The following KCNAB1 variants were observed in gnomAD, a reference collection of about 807,000 sequenced individuals.
The protein encoded by KCNAB1 is voltage-gated potassium channel subunit beta-1.
A neutral mutation model predicts 64.6 loss-of-function variants in KCNAB1; 35 were observed. That is an observed-to-expected ratio of 0.54 (90% CI 0.41 to 0.72). KCNAB1 has a LOEUF of 0.72. Among genes scored for constraint, KCNAB1 ranks in the 30% least tolerant of loss-of-function variants. The pLI is 0.00. For synonymous variants in KCNAB1, 177 were observed against 183.8 expected, an observed-to-expected ratio of 0.96 and a Z score of 0.30; for missense variants, 401 against 512.9, an observed-to-expected ratio of 0.78 and a Z score of 2.11.
Position 156,537,060 on chromosome 3 carries a change from G to C in KCNAB1, c.*313G>C. On this transcript the variant is annotated 3_prime_UTR_variant, in exon 14 of 14. Transcript: ENST00000490337. ...GTGTGGTACTACCTTCAGGCATTTG[G>C]TAACTCAAAGAAGGCTGTACAGATA... 2.3e-6 allele frequency: 1 copy of C among 431,364 alleles called. No individual in the cohort carries two copies. The highest frequency in any genetic ancestry group is 4.1e-6 in the Non-Finnish European group (1 of 246,036). The allele number at this position is 431,364 out of a possible 1,614,324, so 26.7% of individuals were successfully genotyped here. A position where few individuals can be genotyped will look rare whatever the true frequency, so the allele number is the denominator to read the frequency against.
intron 1 of KCNAB1, among the ~76,000 whole-genome samples, chr3:156,132,325 C>A (rs1714042446): frequency 1.3e-5 from 2 of 152,194 alleles, no homozygotes; most frequent in African/African-American, 2.4e-5. Context: ...ACTTCAGAGA[C>A]CTGTAGATGG....
intron 1 of KCNAB1, among the ~76,000 whole-genome samples, chr3:156,225,192 T>A (rs1464790152): frequency 6.6e-6 from 1 of 152,104 alleles, no homozygotes; most frequent in Non-Finnish European, 1.5e-5. Context: ...GGGAACCAAG[T>A]CCAACAACAT....
At chr3:156,129,763 T>A (rs1468223017) in intron 1 of KCNAB1, among the ~76,000 whole-genome samples, 2 of 152,250 alleles carry the variant, frequency 1.3e-5, no homozygotes. Context: ...TTTGCCTCCC[T>A]GATCTTCCTT....
chr3:156,501,339 T>C (rs182748089), intron 8 of KCNAB1, among the ~76,000 whole-genome samples: 40 of 152,150 alleles, frequency 2.6e-4, no homozygotes. Flanking sequence ...ATGAATAAAT[T>C]TATAAAACTT....
chr3:156,139,200 A>G (rs1161079832), intron 1 of KCNAB1, among the ~76,000 whole-genome samples: 1 of 152,204 alleles, frequency 6.6e-6, no homozygotes, highest in Non-Finnish European at 1.5e-5. Flanking sequence ...TATAGTTTCT[A>G]TCCTCCACCT....
chr3:156,224,248 C>T (rs543713221), intron 1 of KCNAB1, among the ~76,000 whole-genome samples: 6 of 152,360 alleles, frequency 3.9e-5, no homozygotes, highest in Admixed American at 2.6e-4. Flanking sequence ...CACGCCCACC[C>T]GGAACTCGTG....
At chr3:156,283,732 A>G (rs1323915578) in intron 1 of KCNAB1, among the ~76,000 whole-genome samples, 14 of 151,688 alleles carry the variant, frequency 9.2e-5, no homozygotes. Context: ...TCTATCGCTG[A>G]TACCCTTTCT....
chr3:156,326,319 A>G lies in KCNAB1; in HGVS notation c.276-95297A>G, dbSNP rs141364289. ...ATTCTAGCTAAAATTTCTATGAGAG[A>G]GGATCAGATATGCCCAGCTTATAAC... On this transcript the variant is annotated intron_variant, in intron 1 of 13. Transcript: ENST00000490337. 6.9e-3 allele frequency among the ~76,000 whole-genome samples: 1,046 copies of G among 152,246 alleles called. 8 individuals are homozygous for G. The highest frequency in any genetic ancestry group is 9.9e-3 in the Non-Finnish European group (674 of 68,000).
At chr3:156,531,778 C>T (rs991239715) in intron 13 of KCNAB1, among the ~76,000 whole-genome samples, 4 of 152,212 alleles carry the variant, frequency 2.6e-5, no homozygotes, top group Non-Finnish European at 5.9e-5. Context: ...CCATAAAAGC[C>T]GGCCTGATAA....
intron 2 of KCNAB1, among the ~76,000 whole-genome samples, chr3:156,437,324 CTTTCTA>C (rs1716653514): frequency 6.6e-6 from 1 of 152,110 alleles, no homozygotes; most frequent in Admixed American, 6.5e-5. Context: ...TTGGAATGCA[CTTTCTA>C]TTTCTATTTG....
intron 1 of KCNAB1, among the ~76,000 whole-genome samples, chr3:156,391,192 G>C (rs148885658): frequency 3.0e-4 from 46 of 152,294 alleles, no homozygotes; most frequent in African/African-American, 1.1e-3. Flanking sequence ...TGAATACCCA[G>C]GTTGAAATTT....
At chr3:156,433,266 A>G (rs1425027200) in intron 2 of KCNAB1, among the ~76,000 whole-genome samples, 3 of 152,142 alleles carry the variant, frequency 2.0e-5, no homozygotes, top group Non-Finnish European at 4.4e-5. Context: ...CTTGCGTTTG[A>G]TGGTGATTAA....
At chr3:156,163,852 A>G (rs183758554) in intron 1 of KCNAB1, among the ~76,000 whole-genome samples, 2 of 152,346 alleles carry the variant, frequency 1.3e-5, no homozygotes, top group African/African-American at 4.8e-5. Flanking sequence ...AGAATTATAA[A>G]TCAAGTCCAA....
intron 1 of KCNAB1, among the ~76,000 whole-genome samples, chr3:156,276,213 T>C (rs191262958): frequency 1.1e-3 from 165 of 152,268 alleles, no homozygotes; most frequent in Non-Finnish European, 2.0e-3. Flanking sequence ...TATTTTGAAA[T>C]ATGTCTTTTT....
At chr3:156,218,575 C>T (rs1715469899) in intron 1 of KCNAB1, among the ~76,000 whole-genome samples, 1 of 151,904 alleles carries the variant, frequency 6.6e-6, no homozygotes, top group African/African-American at 2.4e-5. Flanking sequence ...TGTCTGGAGG[C>T]CAACGAAAAC....
At chr3:156,155,755 C>G (rs1304673170) in intron 1 of KCNAB1, among the ~76,000 whole-genome samples, 1 of 152,198 alleles carries the variant, frequency 6.6e-6, no homozygotes, top group Non-Finnish European at 1.5e-5. Context: ...CTCAAGAATG[C>G]TCTCAGGTTC....
intron 1 of KCNAB1, among the ~76,000 whole-genome samples, chr3:156,298,315 C>T (rs891524590): frequency 2.6e-5 from 4 of 152,230 alleles, no homozygotes; most frequent in South Asian, 2.1e-4. Flanking sequence ...CGCACGTGGA[C>T]GTGAAGGAGT....
At chr3:156,357,152 T>C (rs1332818409) in intron 1 of KCNAB1, among the ~76,000 whole-genome samples, 2 of 132,074 alleles carry the variant, frequency 1.5e-5, no homozygotes, top group Non-Finnish European at 1.5e-5. Context: ...CAAACACACA[T>C]GTGCGCGCAC....
At chr3:156,350,656 C>T (rs1448021476) in intron 1 of KCNAB1, among the ~76,000 whole-genome samples, 2 of 152,236 alleles carry the variant, frequency 1.3e-5, no homozygotes, top group East Asian at 3.9e-4. Flanking sequence ...TTCTAAATTG[C>T]TTCATAACCT....
Sources: allele counts gnomAD v4.1 joint callset (sites outside exome capture counted in the v4.1 genomes callset), GRCh38; gene constraint gnomAD v4.1.1; transcripts MANE v1.5; gene names NCBI Gene and HGNC (gene_info 2026-07-23, HGNC 2026-07-21).